The following MBD3 variants were observed in gnomAD, a reference collection of about 807,000 sequenced individuals.
MBD3 encodes methyl-CpG binding domain protein 3, also known as methyl-CpG-binding domain protein 3.
MBD3 carries 13 observed loss-of-function variants against 31.2 expected under a neutral mutation model. The ratio of observed to expected loss-of-function variants is 0.42; its 90% CI spans 0.27 to 0.66. MBD3 has a LOEUF of 0.66. Ranked by LOEUF, MBD3 falls within the 30% of genes least tolerant of loss-of-function variation. The probability of loss-of-function intolerance (pLI) is 0.26; values close to 1 mark genes in which losing one functional copy is unlikely to be tolerated. For synonymous variants in MBD3, 223 were observed against 187.4 expected, an observed-to-expected ratio of 1.19 and a Z score of -1.55; for missense variants, 440 against 426.5, an observed-to-expected ratio of 1.03 and a Z score of -0.28.
intron 1 of MBD3, among the ~76,000 whole-genome samples, chr19:1,589,702 A>C (rs964406908): frequency 1.3e-5 from 2 of 152,202 alleles, no homozygotes; most frequent in African/African-American, 2.4e-5. Context: ...GCATGGTGGC[A>C]CATGCCTGTA....
At chr19:1,588,837 G>C (rs1317366096) in intron 1 of MBD3, among the ~76,000 whole-genome samples, 13 of 149,074 alleles carry the variant, frequency 8.7e-5, no homozygotes, top group Admixed American at 6.0e-4. Flanking sequence ...ACAGACCACA[G>C]CCTGGTTGTT....
chr19:1,585,174 G>A lies in MBD3; in HGVS notation c.151C>T (p.Arg51Cys), dbSNP rs1000530401. Reference sequence around the variant, plus strand: ...AGGTCCATGGAGCCGCCCAGGTAGCGCGCCAGCTGCGGCTTGCTGCGGAAC... The same window carrying A: ...AGGTCCATGGAGCCGCCCAGGTAGCACGCCAGCTGCGGCTTGCTGCGGAAC... ...KKFRSKPQLA[R>C]YLGGSMDLST... The change falls in exon 2 of 7, where the codon CGC (arginine) becomes TGC (cysteine). Residue 51 changes from arginine to cysteine, a missense_variant. Arg to Cys is a radical substitution (Grantham distance 180). Around this residue, in one of 3 missense-constraint regions of MBD3, gnomAD observed 179 missense variants for 134.7 expected, o/e 1.33. Coordinates refer to ENST00000434436, the MANE Select transcript of MBD3 (RefSeq NM_001281453.2). The surrounding 1 kb of genome is among the most constrained non-coding windows in gnomAD (Gnocchi z 4.1). 1.9e-6 allele frequency: 3 copies of A among 1,607,568 alleles called. No homozygotes were observed. The highest frequency in any genetic ancestry group is 2.2e-5 in the East Asian group (1 of 44,814).
intron 2 of MBD3, 163 bp from the exon 3 acceptor site, chr19:1,584,840 T>C: frequency 2.1e-6 from 2 of 970,828 alleles, no homozygotes; most frequent in Non-Finnish European, 2.8e-6. Context: ...GCAGGGTCGG[T>C]CCGGCCGGCT....
intron 5 of MBD3, among the ~76,000 whole-genome samples, chr19:1,579,395 G>A (rs965038671): frequency 1.5e-4 from 22 of 151,674 alleles, no homozygotes; most frequent in Non-Finnish European, 2.8e-4. Flanking sequence ...CTCCTCCTCG[G>A]GGCCTACAAG....
intron 1 of MBD3, among the ~76,000 whole-genome samples, chr19:1,591,647 G>C (rs971078297): frequency 6.6e-6 from 1 of 152,072 alleles, no homozygotes; most frequent in African/African-American, 2.4e-5. Context: ...GAACCAAGGG[G>C]AGGGCGCAAT....
chr19:1,589,688 C>G (rs570819235), intron 1 of MBD3, among the ~76,000 whole-genome samples: 1 of 152,244 alleles, frequency 6.6e-6, no homozygotes, highest in Admixed American at 6.6e-5. Flanking sequence ...AAAAAATTAG[C>G]TGGGCATGGT....
chr19:1,589,188 GGGCGT>G (rs1398636672), intron 1 of MBD3, among the ~76,000 whole-genome samples: 1 of 150,204 alleles, frequency 6.7e-6, no homozygotes, highest in Admixed American at 6.6e-5. Context: ...AAAAGTAGCC[GGGCGT>G]GGTGGCACAT....
rs558745799 is a variant in MBD3, at chr19:1,590,660, AT to A, written c.110+1861del. 4.1e-3 allele frequency among the ~76,000 whole-genome samples: 621 copies of A among 152,334 alleles called. 5 individuals are homozygous for A. The highest frequency in any genetic ancestry group is 0.03 in the South Asian group (147 of 4,828). ...TTTGTGGAATGTGAATTATATCTCA[AT>A]TTTAAATAAAGGTTATGCCCATCTA... On this transcript the variant is annotated intron_variant, in intron 1 of 6. Transcript: ENST00000434436.
intron 5 of MBD3, among the ~76,000 whole-genome samples, chr19:1,580,234 C>T (rs749300770): frequency 7.9e-5 from 12 of 152,218 alleles, no homozygotes; most frequent in Non-Finnish European, 1.3e-4. Flanking sequence ...AGAGGTACCA[C>T]GGCCGGAGGA....
Position 1,574,283 on chromosome 19 carries a change from AGT to A in MBD3, c.*3879_*3880del. The A allele has an allele frequency of 6.6e-6, 1 of 152,222 alleles. No individual in the cohort carries two copies. 9.4% of individuals were successfully genotyped at this position (152,222 alleles called of 1,614,324 possible). A position where few individuals can be genotyped will look rare whatever the true frequency, so the allele number is the denominator to read the frequency against. ...ATTGCACTCCAGCCTGGGTGACAAG[AGT>A]GAGACTCCATCTCAAAAAAAAAACT... On this transcript the variant is annotated 3_prime_UTR_variant, in exon 7 of 7. Coordinates refer to ENST00000434436, the MANE Select transcript of MBD3 (RefSeq NM_001281453.2).
chr19:1,582,976 G>T (rs2145598938), intron 3 of MBD3, among the ~76,000 whole-genome samples: 1 of 152,256 alleles, frequency 6.6e-6, no homozygotes, highest in African/African-American at 2.4e-5. Context: ...GGCCGAAGTG[G>T]GTGGATCACC....
chr19:1,589,024 G>GT (rs1446828546), intron 1 of MBD3, among the ~76,000 whole-genome samples: 1 of 151,948 alleles, frequency 6.6e-6, no homozygotes, highest in East Asian at 1.9e-4. Flanking sequence ...ACATAAAACT[G>GT]TATCTCGATA....
At chr19:1,588,451 G>A (rs1212396671) in intron 1 of MBD3, among the ~76,000 whole-genome samples, 2 of 152,032 alleles carry the variant, frequency 1.3e-5, no homozygotes, top group Non-Finnish European at 2.9e-5. Context: ...CTTTGCCTCC[G>A]GTCACCCCAA....
At position 1,576,630 on chromosome 19, in the gene MBD3, A is replaced by G. The variant is rs1431741338; in HGVS notation, c.*1534T>C. The G allele has an allele frequency of 6.6e-6, 1 of 152,324 alleles. No individual in the cohort carries two copies. Among genetic ancestry groups the G allele is most frequent in the Non-Finnish European group, 1.5e-5 (1 of 68,096 alleles). 9.4% of individuals were successfully genotyped at this position (152,324 alleles called of 1,614,324 possible). On this transcript the variant is annotated 3_prime_UTR_variant, in exon 7 of 7. Transcript: ENST00000434436. ...CTTTCATCACCCAACCAAAGACAGA[A>G]GCTCAAACGTGGGCACCAAAGTCTA...
rs190665976 is a variant in MBD3 at position 1,587,343 on chromosome 19, C to G, written c.111-2129G>C. 1.5e-3 allele frequency among the ~76,000 whole-genome samples: 221 copies of G among 152,206 alleles called. 1 individual carries two copies. The highest frequency in any genetic ancestry group is 5.1e-3 in the African/African-American group (213 of 41,532). On this transcript the variant is annotated intron_variant, in intron 1 of 6. Coordinates refer to ENST00000434436, the MANE Select transcript of MBD3 (RefSeq NM_001281453.2). The stretch of plus-strand genomic sequence containing the variant: ...TCTGGAACTCCTGAGCTCAAGCAGT[C>G]CTCCCATCTTCCCTCCCAAAGCTTT...
intron 1 of MBD3, among the ~76,000 whole-genome samples, chr19:1,591,200 T>G (rs1055412340): frequency 6.6e-6 from 1 of 152,198 alleles, no homozygotes; most frequent in African/African-American, 2.4e-5. Flanking sequence ...GATTTCAGCA[T>G]GTGTCACTGC....
At chr19:1,589,064 G>C (rs1318396679) in intron 1 of MBD3, among the ~76,000 whole-genome samples, 1 of 152,102 alleles carries the variant, frequency 6.6e-6, no homozygotes, top group Non-Finnish European at 1.5e-5. Flanking sequence ...AAATGCAGTG[G>C]CTCACACCTG....
intron 1 of MBD3, 127 bp downstream of exon 1, chr19:1,592,395 C>T (rs957873448): frequency 2.7e-5 from 6 of 222,810 alleles, no homozygotes; most frequent in African/African-American, 1.4e-4. Context: ...GCACGCAAGA[C>T]GCACGCACGC....
At position 1,585,446 on chromosome 19, in the gene MBD3, C is replaced by G. The variant is rs1422067830; in HGVS notation, c.111-232G>C. ...GACCCCAGCACCCCACAACTGGCCC[C>G]TAGATCTGGGCGCCAGCCAGACCCA... On this transcript the variant is annotated intron_variant, in intron 1 of 6. Coordinates refer to ENST00000434436, the MANE Select transcript of MBD3 (RefSeq NM_001281453.2). The surrounding 1 kb of genome is among the most constrained non-coding windows in gnomAD (Gnocchi z 4.1). The G allele has an allele frequency of 1.8e-6, 1 of 547,858 alleles. No homozygotes were observed. Among genetic ancestry groups the G allele is most frequent in the Non-Finnish European group, 3.3e-6 (1 of 303,886 alleles). The allele number at this position is 547,858 out of a possible 1,614,324, so 33.9% of individuals were successfully genotyped here. A position where few individuals can be genotyped will look rare whatever the true frequency, so the allele number is the denominator to read the frequency against.
Sources: allele counts gnomAD v4.1 joint callset (sites outside exome capture counted in the v4.1 genomes callset), GRCh38; gene constraint gnomAD v4.1.1; regional missense constraint gnomAD v4.1.1; non-coding constraint Gnocchi (gnomAD v3.1); transcripts MANE v1.5; gene names NCBI Gene and HGNC (gene_info 2026-07-23, HGNC 2026-07-21).